The following GRIK3 variants were observed in gnomAD, a reference collection of about 807,000 sequenced individuals.
GRIK3 encodes glutamate ionotropic receptor kainate type subunit 3, also known as glutamate receptor ionotropic, kainate 3.
A neutral mutation model predicts 102.5 loss-of-function variants in GRIK3; 29 were observed. The ratio of observed to expected loss-of-function variants is 0.28; its 90% CI spans 0.21 to 0.39. GRIK3 has a LOEUF of 0.39. GRIK3 is among the 10% of genes least tolerant of loss of function. The probability of loss-of-function intolerance (pLI) is 1.00; values close to 1 mark genes in which losing one functional copy is unlikely to be tolerated. For synonymous variants in GRIK3, 511 were observed against 504.9 expected (o/e 1.01, Z -0.16); for missense variants, 908 against 1,252.4 (o/e 0.73, Z 4.15).
chr1:36,857,182 C>T (rs1333569765), intron 7 of GRIK3, among the ~76,000 whole-genome samples: 1 of 152,116 alleles, frequency 6.6e-6, no homozygotes, highest in Non-Finnish European at 1.5e-5. Flanking sequence ...TCCTAAGGCT[C>T]CCAAATTTCC....
rs2124172128 is a variant in GRIK3 at position 36,801,116 on chromosome 1, T to G, written c.*735A>C. The G allele has an allele frequency of 6.6e-6, 1 of 152,364 alleles. No individual in the cohort carries two copies. Among genetic ancestry groups the G allele is most frequent in the East Asian group, 1.9e-4 (1 of 5,182 alleles). The allele number at this position is 152,364 out of a possible 1,614,324, so 9.4% of individuals were successfully genotyped here. On this transcript the variant is annotated 3_prime_UTR_variant, in exon 16 of 16. Transcript: ENST00000373091. Reference sequence around the variant, plus strand: ...GAATTTTCTGTGGCCACTCCCCCACTTATATTCTTAGAGACCTCCTAGAGG... The same window carrying G: ...GAATTTTCTGTGGCCACTCCCCCACGTATATTCTTAGAGACCTCCTAGAGG...
At chr1:36,962,447 T>C (rs1642021934) in intron 1 of GRIK3, among the ~76,000 whole-genome samples, 1 of 151,882 alleles carries the variant, frequency 6.6e-6, no homozygotes, top group Non-Finnish European at 1.5e-5. Context: ...ACGCCGCTTT[T>C]CAAGAAAGAA....
chr1:36,990,368 A>G (rs1455770695), intron 1 of GRIK3, among the ~76,000 whole-genome samples: 1 of 152,096 alleles, frequency 6.6e-6, no homozygotes, highest in Non-Finnish European at 1.5e-5. Context: ...GTCTCCCATC[A>G]CAAGATCCTG....
At chr1:36,997,186 A>G (rs1642429883) in intron 1 of GRIK3, among the ~76,000 whole-genome samples, 1 of 152,102 alleles carries the variant, frequency 6.6e-6, no homozygotes, top group Non-Finnish European at 1.5e-5. Flanking sequence ...GTCACAACCA[A>G]AAGTAGACAA....
At chr1:36,992,799 T>C (rs958466149) in intron 1 of GRIK3, among the ~76,000 whole-genome samples, 1 of 151,982 alleles carries the variant, frequency 6.6e-6, no homozygotes, top group Non-Finnish European at 1.5e-5. Context: ...CTCTGTGAGG[T>C]GAGTACACCA....
chr1:36,938,520 T>C (rs1228866102), intron 1 of GRIK3, among the ~76,000 whole-genome samples: 1 of 152,174 alleles, frequency 6.6e-6, no homozygotes, highest in Non-Finnish European at 1.5e-5. Flanking sequence ...AAATGTGTTT[T>C]CAGCCTGGAC....
chr1:36,807,243 C>T (rs926741698), intron 13 of GRIK3, among the ~76,000 whole-genome samples: 15 of 152,092 alleles, frequency 9.9e-5, no homozygotes, highest in African/African-American at 3.6e-4. Flanking sequence ...TCACTGGGGC[C>T]AGGAGAGAGG....
intron 10 of GRIK3, among the ~76,000 whole-genome samples, chr1:36,829,905 G>A (rs1642797075): frequency 6.6e-6 from 1 of 152,198 alleles, no homozygotes; most frequent in African/African-American, 2.4e-5. Context: ...ATGGGGTTGG[G>A]ACTGTGGCCT....
At chr1:37,009,813 G>A (rs537205339) in intron 1 of GRIK3, among the ~76,000 whole-genome samples, 64 of 152,278 alleles carry the variant, frequency 4.2e-4, no homozygotes, top group African/African-American at 1.5e-3. Context: ...TTGGGCAATC[G>A]TGGTAATGAG....
intron 2 of GRIK3, among the ~76,000 whole-genome samples, chr1:36,883,392 G>A (rs908160527): frequency 5.3e-5 from 8 of 152,028 alleles, no homozygotes; most frequent in African/African-American, 1.9e-4. Context: ...AACCATAAGG[G>A]GCCTTGCATT....
chr1:36,875,929 C>T (rs981106463), intron 3 of GRIK3, among the ~76,000 whole-genome samples: 2 of 152,210 alleles, frequency 1.3e-5, no homozygotes, highest in Non-Finnish European at 2.9e-5. Context: ...TGAGATGACT[C>T]GTGATTGGCA....
At chr1:36,829,422 A>G (rs1332474674) in intron 10 of GRIK3, among the ~76,000 whole-genome samples, 1 of 149,808 alleles carries the variant, frequency 6.7e-6, no homozygotes, top group Non-Finnish European at 1.5e-5. Flanking sequence ...TTTTTTTTTT[A>G]ACAGAAGGAA....
chr1:36,842,838 C>T (rs555348360), intron 9 of GRIK3, among the ~76,000 whole-genome samples: 3 of 152,262 alleles, frequency 2.0e-5, no homozygotes, highest in South Asian at 4.1e-4. Flanking sequence ...CACCCCTAGC[C>T]GGCATGAGAG....
At chr1:36,937,155 C>T (rs573161663) in intron 1 of GRIK3, among the ~76,000 whole-genome samples, 10 of 152,258 alleles carry the variant, frequency 6.6e-5, no homozygotes, top group African/African-American at 2.2e-4. Flanking sequence ...AGACCCTCAG[C>T]GAGCAGGAAC....
At chr1:36,883,234 G>C (rs1349087999) in intron 2 of GRIK3, among the ~76,000 whole-genome samples, 1 of 152,194 alleles carries the variant, frequency 6.6e-6, no homozygotes, top group African/African-American at 2.4e-5. Flanking sequence ...AACGAAACAC[G>C]TCCTTTTCTC....
intron 1 of GRIK3, among the ~76,000 whole-genome samples, chr1:36,931,189 G>C (rs1641584792): frequency 1.3e-5 from 2 of 152,170 alleles, no homozygotes; most frequent in South Asian, 2.1e-4. Flanking sequence ...TACTATGGGA[G>C]ACCTGAGATG....
At chr1:36,857,594 C>T (rs1317188903) in intron 7 of GRIK3, among the ~76,000 whole-genome samples, 10 of 152,214 alleles carry the variant, frequency 6.6e-5, no homozygotes, top group Non-Finnish European at 1.2e-4. Context: ...TGTCCCATAA[C>T]GTGTCTGAAG....
intron 13 of GRIK3, among the ~76,000 whole-genome samples, chr1:36,809,017 G>A (rs1215897076): frequency 2.0e-5 from 3 of 152,266 alleles, no homozygotes; most frequent in African/African-American, 7.2e-5. Context: ...CAGCTCTTCA[G>A]TTCCTTTCCA....
chr1:36,838,981 C>T (rs568532738), intron 10 of GRIK3, among the ~76,000 whole-genome samples: 2 of 152,176 alleles, frequency 1.3e-5, no homozygotes, highest in African/African-American at 2.4e-5. Flanking sequence ...GCTCGGAGGC[C>T]GTGGACGACA....
Sources: allele counts gnomAD v4.1 joint callset (sites outside exome capture counted in the v4.1 genomes callset), GRCh38; gene constraint gnomAD v4.1.1; transcripts MANE v1.5; gene names NCBI Gene and HGNC (gene_info 2026-07-23, HGNC 2026-07-21).